The following PCDHGB5 variants were observed in gnomAD, a reference collection of about 807,000 sequenced individuals.
The protein encoded by PCDHGB5 is protocadherin gamma subfamily B, 5.
PCDHGB5 carries 48 observed loss-of-function variants against 62.9 expected under a neutral mutation model. That is an observed-to-expected ratio of 0.76 (90% CI 0.61 to 0.97). The LOEUF is 0.97. PCDHGB5 is among the 50% of genes least tolerant of loss of function. The pLI is 0.00. For synonymous variants in PCDHGB5, 474 were observed against 511.2 expected, an observed-to-expected ratio of 0.93 and a Z score of 0.98; for missense variants, 1,118 against 1,198.6, an observed-to-expected ratio of 0.93 and a Z score of 0.99.
chr5:141,417,785 A>C (rs1273908599), intron 1 of PCDHGB5: 22 of 1,476,018 alleles, frequency 1.5e-5, no homozygotes, highest in Non-Finnish European at 1.7e-5. Context: ...TCCTGGGCCG[A>C]ATGCTCTTTT....
chr5:141,438,347 C>T (rs150878327), intron 1 of PCDHGB5, among the ~76,000 whole-genome samples: 7 of 151,730 alleles, frequency 4.6e-5, no homozygotes, highest in Non-Finnish European at 2.9e-5. Flanking sequence ...TAAGGATCTA[C>T]TCTGTGTATT....
At chr5:141,504,450 T>C (rs931613781) in intron 2 of PCDHGB5, among the ~76,000 whole-genome samples, 1 of 151,918 alleles carries the variant, frequency 6.6e-6, no homozygotes, top group Non-Finnish European at 1.5e-5. Context: ...ACTAGTGCCA[T>C]GTGGGGCAGC....
At position 141,486,706 on chromosome 5, in the gene PCDHGB5, C is replaced by G; in HGVS notation, c.2398-8101C>G. 6.2e-7 allele frequency: 1 copy of G among 1,614,154 alleles called. No homozygotes were observed. Among genetic ancestry groups the G allele is most frequent in the Non-Finnish European group, 8.5e-7 (1 of 1,180,024 alleles). ...CAGCTTCCTCTTTCATCTCTCTGAA[C>G]CCCCAGACAGGAGCTGTTCATGCTA... On this transcript the variant is annotated intron_variant, in intron 1 of 3. Coordinates refer to ENST00000617380, the MANE Select transcript of PCDHGB5 (RefSeq NM_018925.3). This position sits in a 1 kb window ranked among gnomAD's most constrained non-coding sequence, Gnocchi z 5.0.
At position 141,485,698 on chromosome 5, in the gene PCDHGB5, T is replaced by C. The variant is rs1175015922; in HGVS notation, c.2398-9109T>C. ...TTAGCAGCTATAGGCTGAGCTCCAA[T>C]GAACACTTTGCACTGGATGTGAAGA... On this transcript the variant is annotated intron_variant, in intron 1 of 3. Transcript: ENST00000617380. This position sits in a 1 kb window ranked among gnomAD's most constrained non-coding sequence, Gnocchi z 5.7. 6.2e-7 allele frequency: 1 copy of C among 1,613,994 alleles called. No homozygotes were observed. The highest frequency in any genetic ancestry group is 8.5e-7 in the Non-Finnish European group (1 of 1,180,002).
intron 2 of PCDHGB5, among the ~76,000 whole-genome samples, chr5:141,505,007 C>T (rs1210694913): frequency 6.6e-6 from 1 of 152,050 alleles, no homozygotes; most frequent in Non-Finnish European, 1.5e-5. Flanking sequence ...ACTAAAAATA[C>T]AAAAATTAGC....
chr5:141,410,685 A>G, intron 1 of PCDHGB5: 1 of 1,528,540 alleles, frequency 6.5e-7, no homozygotes, highest in Non-Finnish European at 8.7e-7. Flanking sequence ...TTTTAGGCAT[A>G]CTACTTTATT....
At position 141,477,177 on chromosome 5, in the gene PCDHGB5, T is replaced by C; in HGVS notation, c.2398-17630T>C. The C allele has an allele frequency of 6.2e-7, 1 of 1,614,160 alleles. No individual in the cohort carries two copies. On this transcript the variant is annotated intron_variant, in intron 1 of 3. Coordinates refer to ENST00000617380, the MANE Select transcript of PCDHGB5 (RefSeq NM_018925.3). This position sits in a 1 kb window ranked among gnomAD's most constrained non-coding sequence, Gnocchi z 4.9. Reference sequence around the variant, plus strand: ...AATGACAACGCCCCGGAGATCACAGTCACCTCCGTGTACAGCCCAGTACCC... The same window carrying C: ...AATGACAACGCCCCGGAGATCACAGCCACCTCCGTGTACAGCCCAGTACCC...
At position 141,491,257 on chromosome 5, in the gene PCDHGB5, G is replaced by GAAAT. The variant is rs1562145331; in HGVS notation, c.2398-3549_2398-3546dup. On this transcript the variant is annotated intron_variant, in intron 1 of 3. Transcript: ENST00000617380. The surrounding 1 kb of genome is among the most constrained non-coding windows in gnomAD (Gnocchi z 6.9). ...GGTTCTGGAGGATGAGGACCCTGAG[G>GAAAT]AAATGCCCAAATCCAGTGACTTCCT... is the stretch of plus-strand genomic sequence containing the variant. 6.2e-7 allele frequency: 1 copy of GAAAT among 1,614,170 alleles called. No individual in the cohort carries two copies. Among genetic ancestry groups the GAAAT allele is most frequent in the East Asian group, 2.2e-5 (1 of 44,884 alleles).
In PCDHGB5 at chr5:141,490,242, T is replaced by G. The variant is rs2099697678; in HGVS notation, c.2398-4565T>G. 6.2e-7 allele frequency: 1 copy of G among 1,614,194 alleles called. No individual in the cohort carries two copies. The highest frequency in any genetic ancestry group is 8.5e-7 in the Non-Finnish European group (1 of 1,180,028). ...GACAGCCTGCCATGGAGGGCCACTG[T>G]GTGATTCAAGTGGATGTGGGGGATG... On this transcript the variant is annotated intron_variant, in intron 1 of 3. Transcript: ENST00000617380. The surrounding 1 kb of genome is among the most constrained non-coding windows in gnomAD (Gnocchi z 5.4).
intron 1 of PCDHGB5, chr5:141,414,615 G>A: frequency 6.2e-7 from 1 of 1,613,962 alleles, no homozygotes; most frequent in Non-Finnish European, 8.5e-7. Context: ...CAGTGACAGC[G>A]CTGGACCCGG....
intron 1 of PCDHGB5, among the ~76,000 whole-genome samples, chr5:141,473,965 A>C (rs925515548): frequency 1.1e-4 from 16 of 152,206 alleles, no homozygotes; most frequent in African/African-American, 3.9e-4. Flanking sequence ...TCTACTTAGA[A>C]GTCTGAGGCG....
chr5:141,473,626 G>A lies in PCDHGB5; in HGVS notation c.2398-21181G>A, dbSNP rs149882847. ...GCAAAGCAAAGGGAGGGAGGAAAAA[G>A]CAGCTTTCCTGGCAAAGGAACAATT... On this transcript the variant is annotated intron_variant, in intron 1 of 3. Transcript: ENST00000617380. Among the ~76,000 whole-genome samples, 1,234 of 152,276 alleles carry A rather than the reference G, an allele frequency of 8.1e-3. 14 individuals are homozygous for A. Among genetic ancestry groups the A allele is most frequent in the Non-Finnish European group, 0.011 (715 of 68,020 alleles).
At chr5:141,413,785 C>G (rs771027783) in intron 1 of PCDHGB5, 17 of 1,613,070 alleles carry the variant, frequency 1.1e-5, no homozygotes, top group Non-Finnish European at 1.4e-5. Flanking sequence ...GGAGCACTCC[C>G]TAGATCGCGA....
intron 1 of PCDHGB5, chr5:141,414,831 G>C: frequency 4.3e-6 from 7 of 1,614,212 alleles, no homozygotes; most frequent in Non-Finnish European, 5.9e-6. Flanking sequence ...ACGTGTCGTT[G>C]AGCCTGTTTG....
rs139867523 is a variant in PCDHGB5, at chr5:141,474,274, G to A, written c.2398-20533G>A. 1.2e-4 allele frequency among the ~76,000 whole-genome samples: 19 copies of A among 152,278 alleles called. No homozygotes were observed. In the East Asian group the frequency reaches 3.3e-3, roughly 26 times the overall value. On this transcript the variant is annotated intron_variant, in intron 1 of 3. Coordinates refer to ENST00000617380, the MANE Select transcript of PCDHGB5 (RefSeq NM_018925.3). ...AAGACTGATAAACCAGTGTATCTCT[G>A]AATAACCCACTAGATCAGTGCTTGT...
intron 1 of PCDHGB5, among the ~76,000 whole-genome samples, chr5:141,460,407 TTG>T: frequency 6.6e-6 from 1 of 152,188 alleles, no homozygotes; most frequent in Non-Finnish European, 1.5e-5. Flanking sequence ...TCCTTTTGAG[TTG>T]ATGTTTATGT....
chr5:141,419,007 GGT>G (rs1181124538), intron 1 of PCDHGB5: 1 of 1,613,978 alleles, frequency 6.2e-7, no homozygotes, highest in South Asian at 1.1e-5. Flanking sequence ...GGGGAAGTCA[GGT>G]GTAGCTTAAG....
chr5:141,496,163 A>T (rs1249396595), intron 2 of PCDHGB5, among the ~76,000 whole-genome samples: 2 of 150,100 alleles, frequency 1.3e-5, no homozygotes, highest in Non-Finnish European at 3.0e-5. Flanking sequence ...TCCACCAGAC[A>T]CCCTCCCATC....
At chr5:141,411,097 A>C (rs2095464397) in intron 1 of PCDHGB5, 1 of 153,002 alleles carries the variant, frequency 6.5e-6, no homozygotes, top group Non-Finnish European at 1.4e-5. Flanking sequence ...TGATCCTCCC[A>C]CCTTGGCCTC....
Sources: allele counts gnomAD v4.1 joint callset (sites outside exome capture counted in the v4.1 genomes callset), GRCh38; gene constraint gnomAD v4.1.1; non-coding constraint Gnocchi (gnomAD v3.1); transcripts MANE v1.5; gene names NCBI Gene and HGNC (gene_info 2026-07-23, HGNC 2026-07-21).